The following KHDRBS2 variants were observed in gnomAD, a reference collection of about 807,000 sequenced individuals.
KHDRBS2 encodes the protein KH domain-containing, RNA-binding, signal transduction-associated protein 2.
A neutral mutation model predicts 44.3 loss-of-function variants in KHDRBS2; 26 were observed. That is an observed-to-expected ratio of 0.59 (90% CI 0.43 to 0.81). The LOEUF (loss-of-function observed/expected upper bound fraction) is 0.81. Among genes scored for constraint, KHDRBS2 ranks in the 40% least tolerant of loss-of-function variants. The pLI, the probability that KHDRBS2 is intolerant of heterozygous loss-of-function variation, is 0.00. For missense variants in KHDRBS2, 476 were observed against 433.1 expected, an observed-to-expected ratio of 1.10 and a Z score of -0.88; for synonymous variants, 194 against 151.1, an observed-to-expected ratio of 1.28 and a Z score of -2.08.
intron 2 of KHDRBS2, among the ~76,000 whole-genome samples, chr6:62,074,663 G>A (rs555238712): frequency 6.6e-6 from 1 of 151,788 alleles, no homozygotes; most frequent in Non-Finnish European, 1.5e-5. Context: ...AAATATATAT[G>A]TTATCATGGC....
intron 6 of KHDRBS2, among the ~76,000 whole-genome samples, chr6:61,891,058 T>C (rs1296234716): frequency 6.6e-6 from 1 of 152,182 alleles, no homozygotes. Context: ...TATTAACCAG[T>C]CCATATGTTT....
chr6:62,103,763 T>A (rs208980), intron 2 of KHDRBS2, among the ~76,000 whole-genome samples: 2 of 152,204 alleles, frequency 1.3e-5, no homozygotes, highest in East Asian at 3.9e-4. Context: ...CCAGGCAGGC[T>A]GCTGCTGCCA....
chr6:62,121,877 T>G (rs1236756475), intron 2 of KHDRBS2, among the ~76,000 whole-genome samples: 2 of 152,148 alleles, frequency 1.3e-5, no homozygotes, highest in African/African-American at 4.8e-5. Context: ...TCAGTAAAAT[T>G]TCTAGGGGTC....
chr6:61,916,965 A>ATTTTTTTTTTTTTTTTTTTTTTTTT (rs10700035), intron 4 of KHDRBS2, among the ~76,000 whole-genome samples: 1 of 90,640 alleles, frequency 1.1e-5, no homozygotes. Flanking sequence ...GGAACTCTGT[A>ATTTTTTTTTTTTTTTTTTTTTTTTT]TTTTTTTTTT....
chr6:62,005,437 T>G (rs1779034478), intron 3 of KHDRBS2, among the ~76,000 whole-genome samples: 1 of 151,978 alleles, frequency 6.6e-6, no homozygotes, highest in African/African-American at 2.4e-5. Context: ...ATCAAATTAT[T>G]TAAATATGCT....
intron 4 of KHDRBS2, among the ~76,000 whole-genome samples, chr6:61,910,314 T>C (rs1805825846): frequency 6.6e-6 from 1 of 152,234 alleles, no homozygotes; most frequent in Non-Finnish European, 1.5e-5. Context: ...ATTATTAAAA[T>C]GTAGTCAAAG....
chr6:61,567,985 G>A, the KHDRBS2 span, among the ~76,000 whole-genome samples: 1 of 151,938 alleles, frequency 6.6e-6, no homozygotes, highest in African/African-American at 2.4e-5. Context: ...TTAAATATAA[G>A]TCTTTAATTC....
At chr6:61,691,300 A>G (rs1767368698) in intron 8 of KHDRBS2, among the ~76,000 whole-genome samples, 1 of 152,134 alleles carries the variant, frequency 6.6e-6, no homozygotes, top group South Asian at 2.1e-4. Context: ...TTTCTTGCCT[A>G]GGCAACATGC....
chr6:61,848,469 TTATATATA>T lies in KHDRBS2; in HGVS notation c.810+46158_810+46165del, dbSNP rs796641130. Among the ~76,000 whole-genome samples the T allele has an allele frequency of 2.6e-4, 19 of 73,682 alleles. 1 individual carries two copies. The highest frequency in any genetic ancestry group is 6.0e-4 in the African/African-American group (9 of 14,958). The allele number at this position is 73,682 out of a possible 152,430, so 48.3% of individuals were successfully genotyped here. A position where few individuals can be genotyped will look rare whatever the true frequency, so the allele number is the denominator to read the frequency against. On this transcript the variant is annotated intron_variant, in intron 6 of 8. Transcript: ENST00000281156. Reference sequence around the variant, plus strand: ...GGTTATATTGAGAGAAATGGAGGTTTTATATATATATATATATATATGTATATATATAT... The same window carrying T: ...GGTTATATTGAGAGAAATGGAGGTTTTATATATATATATGTATATATATAT...
Position 61,697,336 on chromosome 6 carries a change from T to G in KHDRBS2, c.894-83A>C, listed in dbSNP as rs555989197. 2.9e-5 allele frequency: 24 copies of G among 840,136 alleles called. No individual in the cohort carries two copies. In the East Asian group the frequency reaches 2.9e-4, roughly 10 times the overall value. 52.0% of individuals were successfully genotyped at this position (840,136 alleles called of 1,614,324 possible). ...ACTCATATGGAATTTGAAGGCAAAA[T>G]GTGTGCTGAGGTAATATTCCAGGAA... is the stretch of plus-strand genomic sequence containing the variant. On this transcript the variant is annotated intron_variant, in intron 7 of 8. Transcript: ENST00000281156.
chr6:61,650,793 G>A, the KHDRBS2 span, among the ~76,000 whole-genome samples: 1 of 151,986 alleles, frequency 6.6e-6, no homozygotes, highest in African/African-American at 2.4e-5. Context: ...GATAAAATAA[G>A]AGTAATTATC....
chr6:61,842,052 G>A (rs1793680957), intron 6 of KHDRBS2, among the ~76,000 whole-genome samples: 1 of 152,150 alleles, frequency 6.6e-6, no homozygotes, highest in South Asian at 2.1e-4. Flanking sequence ...GCTGTGTAAA[G>A]TAAATGCACC....
At chr6:61,984,822 T>C (rs1347496652) in intron 3 of KHDRBS2, among the ~76,000 whole-genome samples, 1 of 152,222 alleles carries the variant, frequency 6.6e-6, no homozygotes, top group Non-Finnish European at 1.5e-5. Flanking sequence ...TAGGAAGTGT[T>C]TCTGCCAACA....
chr6:61,985,604 G>C lies in KHDRBS2; in HGVS notation c.337-7392C>G, dbSNP rs1583974348. On this transcript the variant is annotated intron_variant, in intron 3 of 8. Transcript: ENST00000281156. ...AGGGACCACCTTGGATCAAAATGAT[G>C]ATCCTTTCCTATGCATTCAATGACA... Among the ~76,000 whole-genome samples, 3 of 152,272 alleles carry C rather than the reference G, an allele frequency of 2.0e-5. No homozygotes were observed. The South Asian group carries it at 6.2e-4, about 32-fold the overall frequency.
chr6:61,589,026 G>A, the KHDRBS2 span, among the ~76,000 whole-genome samples: 23 of 152,008 alleles, frequency 1.5e-4, no homozygotes, highest in African/African-American at 4.8e-4. Context: ...GAGAACACAT[G>A]GACACAAGGA....
chr6:61,732,165 A>C (rs962699129), intron 7 of KHDRBS2, among the ~76,000 whole-genome samples: 1 of 152,086 alleles, frequency 6.6e-6, no homozygotes, highest in African/African-American at 2.4e-5. Flanking sequence ...GAAGACATAA[A>C]AAATCATTTA....
At chr6:61,617,580 A>C in the KHDRBS2 span, among the ~76,000 whole-genome samples, 3 of 152,108 alleles carry the variant, frequency 2.0e-5, no homozygotes, top group Admixed American at 6.6e-5. Context: ...TTAAAATACA[A>C]ATTAAGAAGA....
chr6:61,916,956 G>T (rs1033207682), intron 4 of KHDRBS2, among the ~76,000 whole-genome samples: 3 of 140,492 alleles, frequency 2.1e-5, no homozygotes, highest in Non-Finnish European at 4.6e-5. Flanking sequence ...GGAGAAACAG[G>T]AACTCTGTAT....
intron 4 of KHDRBS2, among the ~76,000 whole-genome samples, chr6:61,906,994 C>T (rs1330801588): frequency 5.9e-5 from 9 of 152,006 alleles, no homozygotes; most frequent in Non-Finnish European, 1.3e-4. Flanking sequence ...TACTGTTCTC[C>T]ATAGTGCTGG....
Sources: allele counts gnomAD v4.1 joint callset (sites outside exome capture counted in the v4.1 genomes callset), GRCh38; gene constraint gnomAD v4.1.1; transcripts MANE v1.5; gene names NCBI Gene and HGNC (gene_info 2026-07-23, HGNC 2026-07-21).